Variants in ZNF600 observed in about 807,000 individuals in gnomAD.
ZNF600 encodes zinc finger protein KR-ZNF1.
ZNF600 carries 4 observed loss-of-function variants against 7.3 expected under a neutral mutation model. The observed-to-expected ratio is 0.55, with a 90% CI of 0.27 to 1.25. The LOEUF is 1.25. ZNF600 is among the 50% of genes most tolerant of loss of function. ZNF600 has a pLI of 0.12. For missense variants in ZNF600, 911 were observed against 922.1 expected, an observed-to-expected ratio of 0.99 and a Z score of 0.16; for synonymous variants, 290 against 308.9, an observed-to-expected ratio of 0.94 and a Z score of 0.64.
chr19:52,821,167 T>A, the ZNF600 span, among the ~76,000 whole-genome samples: 26 of 150,178 alleles, frequency 1.7e-4, no homozygotes, highest in Non-Finnish European at 2.8e-4. Flanking sequence ...AAGGGTGGGA[T>A]CCGCAGGATC....
the ZNF600 span, among the ~76,000 whole-genome samples, chr19:52,830,000 A>C: frequency 2.0e-5 from 3 of 152,142 alleles, no homozygotes; most frequent in African/African-American, 7.2e-5. Flanking sequence ...GCAGCTGGGA[A>C]CGGTGGCTCA....
At chr19:52,803,702 C>T in the ZNF600 span, among the ~76,000 whole-genome samples, 1 of 152,126 alleles carries the variant, frequency 6.6e-6, no homozygotes, top group Non-Finnish European at 1.5e-5. Context: ...CACGGTGGCG[C>T]ATGCCTGTAA....
At chr19:52,768,151 T>C (rs1280986817) in intron 3 of ZNF600, among the ~76,000 whole-genome samples, 2 of 150,850 alleles carry the variant, frequency 1.3e-5, no homozygotes, top group Non-Finnish European at 3.0e-5. Context: ...TGTGTACAAA[T>C]GCTAAAAAAA....
the ZNF600 span, among the ~76,000 whole-genome samples, chr19:52,803,766 G>A: frequency 6.6e-6 from 1 of 152,052 alleles, no homozygotes; most frequent in Non-Finnish European, 1.5e-5. Flanking sequence ...AGACCAGCCT[G>A]GGCAACATGG....
chr19:52,825,486 C>T, the ZNF600 span, among the ~76,000 whole-genome samples: 1 of 152,050 alleles, frequency 6.6e-6, no homozygotes, highest in South Asian at 2.1e-4. Context: ...CCAGCCTGGC[C>T]AATATGGAGA....
chr19:52,801,285 T>C, the ZNF600 span: 4 of 1,614,032 alleles, frequency 2.5e-6, no homozygotes, highest in East Asian at 4.5e-5. Context: ...ATTAGAAATA[T>C]GGGTTTTGGG....
chr19:52,820,628 C>T, the ZNF600 span, among the ~76,000 whole-genome samples: 1 of 152,008 alleles, frequency 6.6e-6, no homozygotes. Flanking sequence ...CCACTCTGCT[C>T]TGTCTGACCC....
At chr19:52,829,818 A>T in the ZNF600 span, among the ~76,000 whole-genome samples, 14 of 151,264 alleles carry the variant, frequency 9.3e-5, no homozygotes, top group Non-Finnish European at 1.8e-4. Flanking sequence ...AGCCAGTCTA[A>T]GCTGTTTCTG....
At chr19:52,788,529 C>T (rs545964888), upstream of ZNF600, among the ~76,000 whole-genome samples, 2 of 152,276 alleles carry the variant, frequency 1.3e-5, no homozygotes, top group South Asian at 4.1e-4. Context: ...TGGTTCTCTG[C>T]TGCCCACTGC....
At chr19:52,815,582 T>C in the ZNF600 span, among the ~76,000 whole-genome samples, 1 of 146,578 alleles carries the variant, frequency 6.8e-6, no homozygotes, top group Non-Finnish European at 1.5e-5. Context: ...CCCAGCACTT[T>C]GGGAGGCCGA....
chr19:52,805,501 C>G, the ZNF600 span: 2 of 151,816 alleles, frequency 1.3e-5, no homozygotes, highest in African/African-American at 4.8e-5. Context: ...GTGGTGCACA[C>G]TTGTAGTTGC....
intron 1 of ZNF600, among the ~76,000 whole-genome samples, 112 bp downstream of exon 3, chr19:52,780,469 A>C (rs28756252): frequency 0.091 from 13,925 of 152,186 alleles, 1,688 homozygotes; most frequent in African/African-American, 0.28. Context: ...GAAAGCGACC[A>C]GTGGGGCTGG....
At chr19:52,819,400 T>A in the ZNF600 span, among the ~76,000 whole-genome samples, 9 of 141,924 alleles carry the variant, frequency 6.3e-5, 1 homozygote, top group Admixed American at 5.0e-4. Flanking sequence ...TTCTATTGCT[T>A]TTTTTTTTCA....
chr19:52,767,008 CA>C lies in ZNF600; in HGVS notation c.954del (p.Asn318LysfsTer14). ...TTTTGACCAAAGATCTTGCCACACTCATTACACTTGTGAGATTTTACTGCAG... is the reference window on the plus strand; with the variant it reads ...TTTTGACCAAAGATCTTGCCACACTCTTACACTTGTGAGATTTTACTGCAG... On this transcript the variant is annotated frameshift_variant, in exon 4 of 4. Transcript: ENST00000648973. LOFTEE classifies it low-confidence loss of function (END_TRUNC). 1 of 1,614,156 alleles carries C rather than the reference CA, an allele frequency of 6.2e-7. No individual in the cohort carries two copies. Among genetic ancestry groups the C allele is most frequent in the Non-Finnish European group, 8.5e-7 (1 of 1,180,022 alleles).
the ZNF600 span, among the ~76,000 whole-genome samples, chr19:52,813,323 T>C: frequency 2.1e-5 from 3 of 141,928 alleles, no homozygotes; most frequent in Non-Finnish European, 4.6e-5. Flanking sequence ...AGGAGGGACC[T>C]GTTTTGGGGA....
At chr19:52,774,508 A>G in intron 3 of ZNF600, 67 bp downstream of exon 5, 2 of 984,436 alleles carry the variant, frequency 2.0e-6, no homozygotes, top group Non-Finnish European at 2.4e-6. Context: ...AAGAGAACAC[A>G]AAACCAGGAA....
the ZNF600 span, among the ~76,000 whole-genome samples, chr19:52,793,576 G>C: frequency 6.6e-6 from 1 of 152,198 alleles, no homozygotes; most frequent in African/African-American, 2.4e-5. Flanking sequence ...CCTGGGGACA[G>C]AGATCCATAG....
At chr19:52,813,929 C>T in the ZNF600 span, among the ~76,000 whole-genome samples, 2 of 145,384 alleles carry the variant, frequency 1.4e-5, no homozygotes, top group Admixed American at 6.9e-5. Context: ...GAGATGGACT[C>T]TGTTTATTTT....
At chr19:52,801,267 C>T in the ZNF600 span, 3 of 1,614,040 alleles carry the variant, frequency 1.9e-6, no homozygotes, top group Non-Finnish European at 2.5e-6. Context: ...GGAATTATTT[C>T]CATACTTATT....
Sources: gnomAD v4.1 joint callset for allele counts (sites outside exome capture counted in the v4.1 genomes callset) on GRCh38, gnomAD v4.1.1 for gene constraint, MANE v1.5 for transcripts, NCBI Gene and HGNC (gene_info 2026-07-23, HGNC 2026-07-21) for gene names.